Variants in FBXL4 observed in about 807,000 individuals in gnomAD.
FBXL4 encodes the protein F-box and leucine rich repeat protein 4.
FBXL4 carries 40 observed loss-of-function variants against 58.9 expected under a neutral mutation model. The ratio of observed to expected loss-of-function variants is 0.68; its 90% CI spans 0.53 to 0.88. FBXL4 has a LOEUF of 0.88. Among genes scored for constraint, FBXL4 ranks in the 40% least tolerant of loss-of-function variants. The probability of loss-of-function intolerance (pLI) is 0.00; values close to 1 mark genes in which losing one functional copy is unlikely to be tolerated. For missense variants in FBXL4, 676 were observed against 734.4 expected, an observed-to-expected ratio of 0.92 and a Z score of 0.92; for synonymous variants, 263 against 265.5, an observed-to-expected ratio of 0.99 and a Z score of 0.09.
intron 5 of FBXL4, among the ~76,000 whole-genome samples, chr6:98,912,229 G>T (rs9372983): frequency 6.6e-6 from 1 of 152,168 alleles, no homozygotes; most frequent in Non-Finnish European, 1.5e-5. Flanking sequence ...CAGGGAGAAT[G>T]GAACCAAGTT....
At chr6:98,908,667 G>A (rs536575656) in intron 5 of FBXL4, among the ~76,000 whole-genome samples, 402 of 151,610 alleles carry the variant, frequency 2.7e-3, no homozygotes, top group Non-Finnish European at 3.9e-3. Flanking sequence ...GTATCAAAAC[G>A]TTTTTATTCT....
intron 1 of FBXL4, among the ~76,000 whole-genome samples, chr6:98,943,266 C>CA (rs1156358308): frequency 3.8e-4 from 52 of 136,268 alleles, no homozygotes; most frequent in Admixed American, 8.8e-4. Context: ...AAATGTAAAA[C>CA]AAAAAAAAAA....
chr6:98,881,811 C>A (rs924025374), intron 7 of FBXL4, among the ~76,000 whole-genome samples: 6 of 152,082 alleles, frequency 3.9e-5, no homozygotes, highest in African/African-American at 1.4e-4. Context: ...ATAAAACAAT[C>A]CCATGTAGCT....
intron 8 of FBXL4, 89 bp from the exon 9 acceptor site, chr6:98,875,816 T>C: frequency 2.3e-6 from 3 of 1,295,618 alleles, no homozygotes; most frequent in Non-Finnish European, 3.3e-6. Flanking sequence ...TATAACCTAT[T>C]GCTTTGCTTC....
rs746000252 is a variant in FBXL4 at position 98,926,966 on chromosome 6, A to G, written c.23T>C (p.Leu8Ser). 1 of 1,613,966 alleles carries G rather than the reference A, an allele frequency of 6.2e-7. No homozygotes were observed. Among genetic ancestry groups the G allele is most frequent in the South Asian group, 1.1e-5 (1 of 91,074 alleles). MSPVFPM[L>S]TVLTMFYYIC... is the part of the protein sequence containing the mutation. Reference sequence around the variant, plus strand: ...ATAATAAAACATGGTCAGAACTGTTAACATGGGAAAGACCGGTGACATCTA... The same window carrying G: ...ATAATAAAACATGGTCAGAACTGTTGACATGGGAAAGACCGGTGACATCTA... Residue 8 changes from leucine to serine, a missense_variant, in exon 4 of 10, where the codon TTA (leucine) becomes TCA (serine). Leu to Ser is a moderately radical substitution (Grantham distance 145, BLOSUM62 -2). Transcript: ENST00000369244.
At chr6:98,944,130 T>A (rs112689528) in intron 1 of FBXL4, among the ~76,000 whole-genome samples, 257 of 152,346 alleles carry the variant, frequency 1.7e-3, no homozygotes, top group African/African-American at 6.0e-3. Flanking sequence ...CAACCATTTT[T>A]AAAAATCTAT....
At chr6:98,936,248 C>T (rs1773213676) in intron 1 of FBXL4, among the ~76,000 whole-genome samples, 2 of 152,146 alleles carry the variant, frequency 1.3e-5, no homozygotes, top group African/African-American at 4.8e-5. Flanking sequence ...ACCAACATAA[C>T]CACCACCAAA....
At position 98,899,395 on chromosome 6, in the gene FBXL4, G is replaced by T. The variant is rs560726469; in HGVS notation, c.1190C>A (p.Ser397Tyr). 6 of 1,613,966 alleles carry T rather than the reference G, an allele frequency of 3.7e-6. No homozygotes were observed. The African/African-American group carries it at 8.0e-5, about 22-fold the overall frequency. The change falls in exon 7 of 10, where the codon TCT becomes TAT. Residue 397 changes from serine (S) to tyrosine (Y), a missense_variant. Ser to Tyr is a moderately radical substitution (Grantham distance 144). Coordinates refer to ENST00000369244, the MANE Select transcript of FBXL4 (RefSeq NM_001278716.2). Reference protein sequence around the residue: ...FLNETCLEVISEMCPNLQALN... With the variant: ...FLNETCLEVIYEMCPNLQALN... ...GGCCTGTAGATTTGGACACATCTCA[G>T]AAATAACTTCTAAGCAAGTTTCATT...
chr6:98,947,173 C>T (rs1180745811), intron 1 of FBXL4, among the ~76,000 whole-genome samples: 2 of 152,248 alleles, frequency 1.3e-5, no homozygotes, highest in Admixed American at 1.3e-4. Context: ...GTGAATGCAT[C>T]TCGAAGGTTT....
At chr6:98,908,137 C>A (rs1333282555) in intron 5 of FBXL4, among the ~76,000 whole-genome samples, 1 of 152,000 alleles carries the variant, frequency 6.6e-6, no homozygotes, top group Non-Finnish European at 1.5e-5. Flanking sequence ...AAAAAGTAAA[C>A]CCAAACATTA....
chr6:98,886,742 G>A (rs1046568317), intron 7 of FBXL4, among the ~76,000 whole-genome samples: 9 of 152,130 alleles, frequency 5.9e-5, no homozygotes, highest in Non-Finnish European at 1.0e-4. Context: ...GCTCAGTTCT[G>A]ACCAGGAGGC....
rs1471509470 is a variant in FBXL4, at chr6:98,873,292, ATATATAC to A, written c.*979_*985del. 1.4e-5 allele frequency: 2 copies of A among 147,560 alleles called. No individual in the cohort carries two copies. The highest frequency in any genetic ancestry group is 1.9e-4 in the East Asian group (1 of 5,156). The allele number at this position is 147,560 out of a possible 1,614,324, so 9.1% of individuals were successfully genotyped here. A position where few individuals can be genotyped will look rare whatever the true frequency, so the allele number is the denominator to read the frequency against. On this transcript the variant is annotated 3_prime_UTR_variant, in exon 10 of 10. Coordinates refer to ENST00000369244, the MANE Select transcript of FBXL4 (RefSeq NM_001278716.2). ...GTAATATATAATTATATAATATATA[ATATATAC>A]ATGTATATATTAAAAATCATAAATG... is the stretch of plus-strand genomic sequence containing the variant.
rs571704374 is a variant in FBXL4, at chr6:98,870,488, T to C, written c.*3790A>G. The C allele has an allele frequency of 1.3e-5, 2 of 152,310 alleles. No individual in the cohort carries two copies. The highest frequency in any genetic ancestry group is 4.1e-4 in the South Asian group (2 of 4,824). 9.4% of individuals were successfully genotyped at this position (152,310 alleles called of 1,614,324 possible). A position where few individuals can be genotyped will look rare whatever the true frequency, so the allele number is the denominator to read the frequency against. On this transcript the variant is annotated 3_prime_UTR_variant, in exon 10 of 10. Coordinates refer to ENST00000369244, the MANE Select transcript of FBXL4 (RefSeq NM_001278716.2). ...TTGCTTTCACATTAGAATGGCAGAG[T>C]TGAACAAATGCAAAGGAGACTTATG... is the stretch of plus-strand genomic sequence containing the variant.
chr6:98,898,793 T>C (rs1329704445), intron 7 of FBXL4: 4 of 985,178 alleles, frequency 4.1e-6, no homozygotes, highest in Non-Finnish European at 4.8e-6. Flanking sequence ...CTAGAGATAT[T>C]AGTGAAAAAG....
chr6:98,918,427 C>T (rs1209504574), intron 4 of FBXL4, among the ~76,000 whole-genome samples: 3 of 152,054 alleles, frequency 2.0e-5, no homozygotes, highest in Non-Finnish European at 4.4e-5. Context: ...ACCTTTATGT[C>T]TTTGCTCGTG....
intron 2 of FBXL4, among the ~76,000 whole-genome samples, chr6:98,933,164 G>A (rs1344253840): frequency 1.3e-5 from 2 of 152,158 alleles, no homozygotes; most frequent in Non-Finnish European, 2.9e-5. Context: ...ATTTGATGTA[G>A]CATCTGAAAT....
intron 4 of FBXL4, among the ~76,000 whole-genome samples, chr6:98,925,972 T>C (rs962444085): frequency 2.0e-5 from 3 of 152,166 alleles, no homozygotes; most frequent in Non-Finnish European, 4.4e-5. Context: ...AACAGGCTTG[T>C]AGGGAGAATG....
intron 7 of FBXL4, among the ~76,000 whole-genome samples, chr6:98,882,446 T>A (rs530091605): frequency 2.0e-5 from 3 of 152,220 alleles, no homozygotes; most frequent in African/African-American, 7.2e-5. Context: ...TACTTCTGCA[T>A]CTTCTTCATC....
chr6:98,898,896 T>C, intron 7 of FBXL4: 2 of 985,414 alleles, frequency 2.0e-6, no homozygotes, highest in Non-Finnish European at 2.4e-6. Context: ...TGGTCCAGGA[T>C]AAATATCACT....
Sources: gnomAD v4.1 joint callset for allele counts (sites outside exome capture counted in the v4.1 genomes callset) on GRCh38, gnomAD v4.1.1 for gene constraint, MANE v1.5 for transcripts, NCBI Gene and HGNC (gene_info 2026-07-23, HGNC 2026-07-21) for gene names.